The following U2SURP variants were observed in gnomAD, a reference collection of about 807,000 sequenced individuals.
The protein encoded by U2SURP is U2 snRNP associated SURP domain containing, also known as U2 snRNP-associated SURP motif-containing protein.
In U2SURP, 9 loss-of-function variants were observed where a neutral mutation model predicts 144.9. The ratio of observed to expected loss-of-function variants is 0.06; its 90% CI spans 0.04 to 0.11. U2SURP has a LOEUF of 0.11. U2SURP is among the 10% of genes least tolerant of loss of function. U2SURP has a pLI of 1.00. For missense variants in U2SURP, 724 were observed against 1,226.7 expected (o/e 0.59, Z 6.12); for synonymous variants, 408 against 396.8 (o/e 1.03, Z -0.33).
intron 1 of U2SURP, among the ~76,000 whole-genome samples, chr3:143,004,413 G>T (rs188163373): frequency 0.024 from 3,378 of 140,428 alleles, 50 homozygotes; most frequent in Non-Finnish European, 0.04. Flanking sequence ...GCCCAGGCTG[G>T]AGTGCAGTGG....
intron 24 of U2SURP, among the ~76,000 whole-genome samples, chr3:143,044,510 C>G (rs926998118): frequency 2.0e-5 from 3 of 151,842 alleles, no homozygotes; most frequent in African/African-American, 7.3e-5. Context: ...TGGTCTCACC[C>G]TCTCCTTTTT....
chr3:143,008,911 G>C (rs1207984263), intron 1 of U2SURP, among the ~76,000 whole-genome samples: 3 of 152,052 alleles, frequency 2.0e-5, no homozygotes, highest in African/African-American at 7.2e-5. Flanking sequence ...CAGGCGCCTG[G>C]CTAATTTTTG....
chr3:143,024,369 CTGT>C (rs1380595589), intron 13 of U2SURP: 38 of 368,510 alleles, frequency 1.0e-4, no homozygotes, highest in Non-Finnish European at 1.2e-4. Context: ...TTGACCCAAT[CTGT>C]TGTTATTTTT....
chr3:143,019,881 C>A (rs914742074), intron 6 of U2SURP, 88 bp from the exon 7 acceptor site: 6 of 612,810 alleles, frequency 9.8e-6, no homozygotes, highest in South Asian at 4.1e-5. Flanking sequence ...ACAATTTGTA[C>A]TGAAATGATG....
chr3:143,059,635 C>T lies in U2SURP; in HGVS notation c.*3185C>T, dbSNP rs891124421. The T allele has an allele frequency of 6.6e-6, 1 of 151,828 alleles. No individual in the cohort carries two copies. Among genetic ancestry groups the T allele is most frequent in the Non-Finnish European group, 1.5e-5 (1 of 67,798 alleles). 9.4% of individuals were successfully genotyped at this position (151,828 alleles called of 1,614,324 possible). A position where few individuals can be genotyped will look rare whatever the true frequency, so the allele number is the denominator to read the frequency against. Reference sequence around the variant, plus strand: ...GACTTAAACTGTTCTGATGACCACACAGTGTGATTTCTTTAGCAGAGAAAG... The same window carrying T: ...GACTTAAACTGTTCTGATGACCACATAGTGTGATTTCTTTAGCAGAGAAAG... On this transcript the variant is annotated 3_prime_UTR_variant, in exon 28 of 28. Transcript: ENST00000473835.
chr3:143,017,661 C>A (rs1354859974), intron 6 of U2SURP, among the ~76,000 whole-genome samples: 3 of 151,818 alleles, frequency 2.0e-5, no homozygotes, highest in Non-Finnish European at 4.4e-5. Flanking sequence ...CTCTCTGTCA[C>A]CCAGGCTAGA....
chr3:143,036,213 A>T, intron 20 of U2SURP, 109 bp downstream of exon 20: 3 of 1,236,442 alleles, frequency 2.4e-6, no homozygotes, highest in South Asian at 4.5e-5. Flanking sequence ...TGTGAAAAAT[A>T]TCTATTGCTT....
At position 143,034,890 on chromosome 3, in the gene U2SURP, T is replaced by G; in HGVS notation, c.1856T>G (p.Phe619Cys). Residue 619 changes from phenylalanine (F) to cysteine (C), a missense_variant and splice_region_variant, in exon 19 of 28, where the codon TTT becomes TGT. Transcript: ENST00000473835. Reference protein sequence around the residue: ...VANASYYRKFFETKLCQIFSD... With the variant: ...VANASYYRKFCETKLCQIFSD... ...AGAATGTGTTATTTGAATTTCAGTT[T>G]TGAAACAAAGTTATGTCAGATATTT... 6.3e-7 allele frequency: 1 copy of G among 1,590,274 alleles called. No homozygotes were observed. The highest frequency in any genetic ancestry group is 8.6e-7 in the Non-Finnish European group (1 of 1,164,382).
chr3:143,033,003 T>C, intron 17 of U2SURP, 57 bp downstream of exon 17: 1 of 1,562,704 alleles, frequency 6.4e-7, no homozygotes, highest in Non-Finnish European at 8.7e-7. Flanking sequence ...GGGATTAGAA[T>C]TGGTTTCCTT....
intron 18 of U2SURP, among the ~76,000 whole-genome samples, chr3:143,033,702 A>G (rs1933640486): frequency 6.6e-6 from 1 of 152,156 alleles, no homozygotes; most frequent in Non-Finnish European, 1.5e-5. Flanking sequence ...TGCCATTTTC[A>G]ATCAGGAACT....
chr3:143,022,849 G>C lies in U2SURP; in HGVS notation c.1019-4G>C. Reference sequence around the variant, plus strand: ...CAAAATGACCTTTCATTTCTTTCTTGTAGGAAAAATGATTATGTCTTTTGA... The same window carrying C: ...CAAAATGACCTTTCATTTCTTTCTTCTAGGAAAAATGATTATGTCTTTTGA... On this transcript the variant is annotated splice_region_variant and splice_polypyrimidine_tract_variant and intron_variant, in intron 11 of 27. Transcript: ENST00000473835. The C allele has an allele frequency of 6.4e-7, 1 of 1,550,570 alleles. No homozygotes were observed. The highest frequency in any genetic ancestry group is 8.7e-7 in the Non-Finnish European group (1 of 1,151,582).
At chr3:143,030,741 A>T (rs1448491339) in intron 16 of U2SURP, among the ~76,000 whole-genome samples, 5 of 152,172 alleles carry the variant, frequency 3.3e-5, no homozygotes, top group Non-Finnish European at 5.9e-5. Flanking sequence ...TTATCATTCC[A>T]AATGCCATTA....
chr3:143,024,767 C>T (rs140506292), intron 13 of U2SURP, among the ~76,000 whole-genome samples: 3 of 152,216 alleles, frequency 2.0e-5, no homozygotes, highest in African/African-American at 4.8e-5. Context: ...GAACTGTCTG[C>T]GGCAGCGGGG....
rs575819683 is a variant in U2SURP at position 143,027,040 on chromosome 3, T to C, written c.1275-109T>C. ...ACTTTTTTGGTATTAAATTCGGTGTTAGTCAGCAGAATAATCATTTTCTGC... is the reference window on the plus strand; with the variant it reads ...ACTTTTTTGGTATTAAATTCGGTGTCAGTCAGCAGAATAATCATTTTCTGC... On this transcript the variant is annotated intron_variant, in intron 13 of 27. Transcript: ENST00000473835. The C allele has an allele frequency of 6.0e-6, 5 of 827,460 alleles. No homozygotes were observed. The South Asian group carries it at 8.3e-5, about 14-fold the overall frequency. 51.3% of individuals were successfully genotyped at this position (827,460 alleles called of 1,614,324 possible).
At chr3:143,024,212 G>C (rs559789119) in intron 13 of U2SURP, among the ~76,000 whole-genome samples, 194 bp downstream of exon 13, 36 of 152,052 alleles carry the variant, frequency 2.4e-4, no homozygotes, top group African/African-American at 8.7e-4. Context: ...ATCTTTTTTT[G>C]TTTTTATTGT....
chr3:143,049,138 C>T (rs1020426048), intron 24 of U2SURP, among the ~76,000 whole-genome samples: 23 of 148,168 alleles, frequency 1.6e-4, no homozygotes, highest in Admixed American at 2.0e-4. Flanking sequence ...TGGTGGCGTG[C>T]GCCTGTAATC....
At chr3:143,024,630 G>T in intron 13 of U2SURP, 1 of 332,554 alleles carries the variant, frequency 3.0e-6, no homozygotes, top group South Asian at 2.5e-5. Context: ...CATGCTGTAG[G>T]TATGCTCTTG....
At chr3:143,039,183 G>T (rs181204454) in intron 23 of U2SURP, among the ~76,000 whole-genome samples, 2 of 151,868 alleles carry the variant, frequency 1.3e-5, no homozygotes, top group East Asian at 3.9e-4. Flanking sequence ...TTTACGCTAG[G>T]TTATATTCTC....
At chr3:143,040,995 T>G (rs1359739672) in intron 23 of U2SURP, among the ~76,000 whole-genome samples, 1 of 151,898 alleles carries the variant, frequency 6.6e-6, no homozygotes, top group Non-Finnish European at 1.5e-5. Flanking sequence ...CTGTTCTGTA[T>G]TCATCTATGA....
Sources: gnomAD v4.1 joint callset for allele counts (sites outside exome capture counted in the v4.1 genomes callset) on GRCh38, gnomAD v4.1.1 for gene constraint, MANE v1.5 for transcripts, NCBI Gene and HGNC (gene_info 2026-07-23, HGNC 2026-07-21) for gene names.